SLC2A13: variants seen among roughly 807,000 people sequenced by gnomAD.
SLC2A13 encodes the protein proton myo-inositol cotransporter.
In SLC2A13, 32 loss-of-function variants were observed where a neutral mutation model predicts 64.4. The ratio of observed to expected loss-of-function variants is 0.50; its 90% CI spans 0.37 to 0.67. SLC2A13 has a LOEUF of 0.67. Among genes scored for constraint, SLC2A13 ranks in the 30% least tolerant of loss-of-function variants. The pLI is 0.00. For synonymous variants in SLC2A13, 338 were observed against 327.1 expected, an observed-to-expected ratio of 1.03 and a Z score of -0.36; for missense variants, 743 against 829.2, an observed-to-expected ratio of 0.90 and a Z score of 1.28.
chr12:39,890,518 A>T lies in SLC2A13; in HGVS notation c.1035-18557T>A, dbSNP rs74086929. The stretch of plus-strand genomic sequence containing the variant: ...CAGGTGGGCCTAATATAAGCATGAG[A>T]GTCTTAATAGTAGAAGACGGAGGCA... On this transcript the variant is annotated intron_variant, in intron 4 of 9. Transcript: ENST00000280871. 5.4e-3 allele frequency among the ~76,000 whole-genome samples: 818 copies of T among 152,318 alleles called. 6 individuals carry two copies. The highest frequency in any genetic ancestry group is 0.019 in the African/African-American group (790 of 41,560).
At chr12:39,868,328 GCATT>G (rs1943958699) in intron 5 of SLC2A13, among the ~76,000 whole-genome samples, 1 of 152,084 alleles carries the variant, frequency 6.6e-6, no homozygotes, top group Non-Finnish European at 1.5e-5. Context: ...TGAATAAATA[GCATT>G]ATTAAAAATA....
intron 5 of SLC2A13, among the ~76,000 whole-genome samples, chr12:39,866,008 A>G (rs947712280): frequency 3.3e-5 from 5 of 152,258 alleles, no homozygotes; most frequent in Admixed American, 2.6e-4. Context: ...GAGCCTGCAC[A>G]TGTACCCCTG....
intron 4 of SLC2A13, among the ~76,000 whole-genome samples, chr12:39,937,775 G>A (rs1269369571): frequency 3.3e-5 from 5 of 152,080 alleles, no homozygotes; most frequent in Admixed American, 6.6e-5. Flanking sequence ...TACAAGTCAC[G>A]CCACATTGGG....
intron 3 of SLC2A13, among the ~76,000 whole-genome samples, chr12:39,962,118 AG>A (rs1181947279): frequency 6.6e-6 from 1 of 152,154 alleles, no homozygotes; most frequent in Non-Finnish European, 1.5e-5. Flanking sequence ...TCCTGAGAAA[AG>A]CCCTATGGAT....
chr12:40,066,045 A>G lies in SLC2A13; in HGVS notation c.557-17835T>C, dbSNP rs17442248. Among the ~76,000 whole-genome samples, 517 of 152,348 alleles carry G rather than the reference A, an allele frequency of 3.4e-3. 2 individuals carry two copies. The highest frequency in any genetic ancestry group is 6.4e-3 in the Non-Finnish European group (438 of 68,034). ...CTTTTCAAAAAGCTTTAGAAAACTT[A>G]CACATTCAAAGCAACTTAAGAAACA... is the stretch of plus-strand genomic sequence containing the variant. On this transcript the variant is annotated intron_variant, in intron 1 of 9. Coordinates refer to ENST00000280871, the MANE Select transcript of SLC2A13 (RefSeq NM_052885.4).
chr12:39,969,404 A>C (rs1301445489), intron 3 of SLC2A13, among the ~76,000 whole-genome samples: 1 of 152,176 alleles, frequency 6.6e-6, no homozygotes, highest in Non-Finnish European at 1.5e-5. Context: ...GAACTAGTTT[A>C]CGGTCCCACC....
In SLC2A13 at chr12:39,927,341, C is replaced by T. The variant is rs79486156; in HGVS notation, c.1034+23916G>A. Among the ~76,000 whole-genome samples the T allele has an allele frequency of 1.1e-3, 168 of 152,118 alleles. 1 individual carries two copies. Among genetic ancestry groups the T allele is most frequent in the African/African-American group, 3.7e-3 (154 of 41,520 alleles). On this transcript the variant is annotated intron_variant, in intron 4 of 9. Transcript: ENST00000280871. ...AATTTTCTAGGTATAGAATAGAGAT[C>T]AAAAACTAAACTGAAAATTGGTGAG... is the stretch of plus-strand genomic sequence containing the variant.
chr12:40,089,537 G>A lies in SLC2A13; in HGVS notation c.556+15716C>T, dbSNP rs79039990. On this transcript the variant is annotated intron_variant, in intron 1 of 9. Transcript: ENST00000280871. ...AATTTTAGAATCAAGCGGGACTAGA[G>A]AAGCCCTTCAGTCAGGCTCTGAATA... Among the ~76,000 whole-genome samples, 862 of 152,178 alleles carry A rather than the reference G, an allele frequency of 5.7e-3. 5 individuals are homozygous for A. The highest frequency in any genetic ancestry group is 7.2e-3 in the Non-Finnish European group (490 of 68,010).
chr12:39,840,319 G>C (rs981314448), intron 6 of SLC2A13, among the ~76,000 whole-genome samples: 2 of 151,970 alleles, frequency 1.3e-5, no homozygotes, highest in South Asian at 4.2e-4. Context: ...GTCTTCTAAA[G>C]GGGCCTGCTT....
intron 4 of SLC2A13, among the ~76,000 whole-genome samples, chr12:39,898,918 A>G (rs1945001742): frequency 6.6e-6 from 1 of 152,202 alleles, no homozygotes; most frequent in Non-Finnish European, 1.5e-5. Flanking sequence ...GGAGAGAAGG[A>G]AAAGAAGAGT....
At chr12:40,083,353 C>A (rs1456392978) in intron 1 of SLC2A13, among the ~76,000 whole-genome samples, 1 of 152,176 alleles carries the variant, frequency 6.6e-6, no homozygotes, top group African/African-American at 2.4e-5. Flanking sequence ...TCTCTTAGAA[C>A]TTAATCCCTT....
intron 3 of SLC2A13, among the ~76,000 whole-genome samples, chr12:39,959,423 T>C (rs1946371585): frequency 6.6e-6 from 1 of 152,208 alleles, no homozygotes; most frequent in Non-Finnish European, 1.5e-5. Flanking sequence ...TGTAAGCTGA[T>C]CATGGTACAT....
intron 1 of SLC2A13, among the ~76,000 whole-genome samples, chr12:40,090,862 A>G (rs1938743951): frequency 6.6e-6 from 1 of 152,218 alleles, no homozygotes; most frequent in African/African-American, 2.4e-5. Flanking sequence ...TCTATGAAGA[A>G]GTAAAAAACT....
chr12:39,968,554 G>A (rs1489940588), intron 3 of SLC2A13, among the ~76,000 whole-genome samples: 1 of 151,738 alleles, frequency 6.6e-6, no homozygotes, highest in East Asian at 1.9e-4. Context: ...TGTTGAACAT[G>A]TCAGGTCTCC....
intron 6 of SLC2A13, among the ~76,000 whole-genome samples, chr12:39,831,056 C>G (rs757978437): frequency 1.1e-4 from 16 of 152,246 alleles, no homozygotes; most frequent in Non-Finnish European, 2.2e-4. Flanking sequence ...CCCTGTCACA[C>G]AATCATTTGC....
chr12:39,812,442 T>C (rs1307978707), intron 7 of SLC2A13, among the ~76,000 whole-genome samples: 4 of 150,706 alleles, frequency 2.7e-5, no homozygotes, highest in African/African-American at 9.9e-5. Flanking sequence ...TCCTTTTCTT[T>C]CTTCTCTTTC....
At chr12:39,857,418 A>G (rs1943635507) in intron 6 of SLC2A13, among the ~76,000 whole-genome samples, 2 of 152,158 alleles carry the variant, frequency 1.3e-5, no homozygotes, top group South Asian at 2.1e-4. Context: ...CAGTTTCTAA[A>G]GCATTTATTT....
At position 39,764,956 on chromosome 12, in the gene SLC2A13, G is replaced by GTCT. The variant is rs543218553; in HGVS notation, c.1446-101_1446-99dup. On this transcript the variant is annotated intron_variant, in intron 7 of 9. Coordinates refer to ENST00000280871, the MANE Select transcript of SLC2A13 (RefSeq NM_052885.4). ...TTTATGTATTTGGAAATTCCTTAAT[G>GTCT]TCTTAAGAGTCCAAAATGTTTTTCT... is the stretch of plus-strand genomic sequence containing the variant. 4.8e-3 allele frequency: 6,271 copies of GTCT among 1,311,684 alleles called. 26 individuals are homozygous for GTCT. Among genetic ancestry groups the GTCT allele is most frequent in the Non-Finnish European group, 6.1e-3 (5,900 of 963,544 alleles). The allele number at this position is 1,311,684 out of a possible 1,614,324, so 81.3% of individuals were successfully genotyped here.
At chr12:39,920,588 G>A (rs1945598300) in intron 4 of SLC2A13, among the ~76,000 whole-genome samples, 1 of 152,084 alleles carries the variant, frequency 6.6e-6, no homozygotes, top group Non-Finnish European at 1.5e-5. Context: ...CATTTATAGA[G>A]ACTCTGTAGC....
Sources: gnomAD v4.1 joint callset for allele counts (sites outside exome capture counted in the v4.1 genomes callset) on GRCh38, gnomAD v4.1.1 for gene constraint, MANE v1.5 for transcripts, NCBI Gene and HGNC (gene_info 2026-07-23, HGNC 2026-07-21) for gene names.